Variants in KIF3C observed in about 807,000 individuals in gnomAD.
KIF3C encodes the protein kinesin family member 3C.
In KIF3C, 12 loss-of-function variants were observed where a neutral mutation model predicts 67.7. That is an observed-to-expected ratio of 0.18 (90% CI 0.11 to 0.29). KIF3C has a LOEUF of 0.29. KIF3C is among the 10% of genes least tolerant of loss of function. KIF3C has a pLI of 1.00. For synonymous variants in KIF3C, 393 were observed against 426.2 expected (o/e 0.92, Z 0.96); for missense variants, 789 against 1,059.6 (o/e 0.74, Z 3.55).
chr2:25,942,415 A>AAT (rs1553713885), intron 5 of KIF3C, among the ~76,000 whole-genome samples: 3,656 of 145,952 alleles, frequency 0.025, 65 homozygotes, highest in South Asian at 0.049. Flanking sequence ...GCAAAAAAAA[A>AAT]TTTTTTTTTT....
Position 25,935,376 on chromosome 2 carries a change from T to C in KIF3C, c.2007-5313A>G, listed in dbSNP as rs148323987. Among the ~76,000 whole-genome samples, 413 of 152,250 alleles carry C rather than the reference T, an allele frequency of 2.7e-3. 2 individuals carry two copies. Among genetic ancestry groups the C allele is most frequent in the Non-Finnish European group, 4.6e-3 (314 of 67,992 alleles). On this transcript the variant is annotated intron_variant, in intron 5 of 7. Transcript: ENST00000264712. ...GCAGGGGTATTTGCTGAAGCCTTTT[T>C]TTTTTCTATAGACAGAGTCTTGCTC...
At chr2:25,963,980 C>T (rs1269954000) in intron 1 of KIF3C, among the ~76,000 whole-genome samples, 3 of 152,112 alleles carry the variant, frequency 2.0e-5, no homozygotes, top group Admixed American at 2.0e-4. Context: ...CGTGAGCCAC[C>T]ATCCCTGGCT....
chr2:25,954,143 C>T (rs1180117083), intron 4 of KIF3C, 124 bp downstream of exon 4: 2 of 742,140 alleles, frequency 2.7e-6, no homozygotes, highest in Non-Finnish European at 4.8e-6. Flanking sequence ...AGCCCTCAGA[C>T]GCATTTTATT....
chr2:25,960,506 C>T (rs1445818748), intron 1 of KIF3C, among the ~76,000 whole-genome samples: 1 of 152,146 alleles, frequency 6.6e-6, no homozygotes. Context: ...CATGCTCTCT[C>T]GCCTGTAAGC....
intron 5 of KIF3C, chr2:25,934,057 T>G (rs1338863023): frequency 2.2e-6 from 1 of 460,148 alleles, no homozygotes. Context: ...GAAGTACTGA[T>G]GAGTGTTCCA....
chr2:25,968,575 C>T (rs1342772803), intron 1 of KIF3C, among the ~76,000 whole-genome samples: 1 of 152,150 alleles, frequency 6.6e-6, no homozygotes, highest in East Asian at 1.9e-4. Flanking sequence ...ATCCAGACAA[C>T]AGAATGTTCC....
intron 5 of KIF3C, among the ~76,000 whole-genome samples, chr2:25,935,808 C>T (rs185972526): frequency 8.0e-4 from 121 of 152,034 alleles, no homozygotes; most frequent in Middle Eastern, 3.4e-3. Context: ...CCGGGTGCAG[C>T]GGCTCACGCC....
In KIF3C at chr2:25,952,093, C is replaced by T. The variant is rs1420629379; in HGVS notation, c.1890-188G>A. Among the ~76,000 whole-genome samples the T allele has an allele frequency of 3.3e-5, 5 of 152,204 alleles. 1 individual carries two copies. The highest frequency in any genetic ancestry group is 2.6e-4 in the Admixed American group (4 of 15,288). ...GATCACGAGGTCAGGAGATCAAGACCATCCTGGCTAACACAGTGAAACACC... is the reference window on the plus strand; with the variant it reads ...GATCACGAGGTCAGGAGATCAAGACTATCCTGGCTAACACAGTGAAACACC... On this transcript the variant is annotated intron_variant, in intron 4 of 7. Coordinates refer to ENST00000264712, the MANE Select transcript of KIF3C (RefSeq NM_002254.8).
intron 5 of KIF3C, among the ~76,000 whole-genome samples, chr2:25,931,454 A>G (rs146279977): frequency 5.0e-4 from 76 of 152,186 alleles, no homozygotes; most frequent in African/African-American, 1.8e-3. Flanking sequence ...GCAAAACTCC[A>G]TCTCAAAAAC....
chr2:25,938,321 G>A (rs1338947723), intron 5 of KIF3C: 2 of 433,526 alleles, frequency 4.6e-6, no homozygotes, highest in Admixed American at 2.7e-5. Context: ...TCGTGCCACT[G>A]CATTTCAGCC....
intron 5 of KIF3C, among the ~76,000 whole-genome samples, chr2:25,933,209 C>CCATTGCACT (rs1323124207): frequency 6.6e-6 from 1 of 151,806 alleles, no homozygotes; most frequent in Non-Finnish European, 1.5e-5. Flanking sequence ...CAAGATCACG[C>CCATTGCACT]CATTGCACTC....
At chr2:25,961,058 G>C (rs1663932103) in intron 1 of KIF3C, among the ~76,000 whole-genome samples, 1 of 152,252 alleles carries the variant, frequency 6.6e-6, no homozygotes, top group Non-Finnish European at 1.5e-5. Flanking sequence ...AGCAGAACCT[G>C]CTAAAGGAAA....
chr2:25,940,812 G>A (rs1329088439), intron 5 of KIF3C, among the ~76,000 whole-genome samples: 4 of 151,450 alleles, frequency 2.6e-5, no homozygotes, highest in Non-Finnish European at 4.4e-5. Flanking sequence ...ACTACCACAC[G>A]CGGCTAGTTT....
At chr2:25,960,317 T>C (rs1663913884) in intron 1 of KIF3C, among the ~76,000 whole-genome samples, 1 of 152,126 alleles carries the variant, frequency 6.6e-6, no homozygotes, top group African/African-American at 2.4e-5. Context: ...CCCAGGTAAT[T>C]TGGATGCACA....
At chr2:25,948,301 T>TC (rs1447289263) in intron 5 of KIF3C, among the ~76,000 whole-genome samples, 1 of 152,030 alleles carries the variant, frequency 6.6e-6, no homozygotes. Flanking sequence ...ATGCCTGTGA[T>TC]CCCAACCCTG....
chr2:25,951,716 A>T, intron 5 of KIF3C, 73 bp downstream of exon 5: 2 of 954,336 alleles, frequency 2.1e-6, no homozygotes, highest in Non-Finnish European at 3.4e-6. Flanking sequence ...GCAAGGCCTC[A>T]GGCCCCTCAC....
At chr2:25,957,886 C>T (rs1663847562) in intron 1 of KIF3C, among the ~76,000 whole-genome samples, 1 of 150,794 alleles carries the variant, frequency 6.6e-6, no homozygotes. Flanking sequence ...GCTGTCCATG[C>T]TGCCACACTG....
At position 25,966,612 on chromosome 2, in the gene KIF3C, C is replaced by T. The variant is rs561444345; in HGVS notation, c.1546-10168G>A. On this transcript the variant is annotated intron_variant, in intron 1 of 7. Transcript: ENST00000264712. ...GAGCAAATGGAGTGCAAAACCAGAG[C>T]GGGGAGAAAGGAGGCCCCAGTACTC... is the stretch of plus-strand genomic sequence containing the variant. Among the ~76,000 whole-genome samples the T allele has an allele frequency of 3.3e-5, 5 of 152,186 alleles. No individual in the cohort carries two copies. The South Asian group carries it at 6.2e-4, about 19-fold the overall frequency.
chr2:25,930,184 T>C, intron 5 of KIF3C, 121 bp from the exon 6 acceptor site: 1 of 723,238 alleles, frequency 1.4e-6, no homozygotes. Flanking sequence ...GTTCTGGAAT[T>C]TTCTTCTCCT....
Sources: allele counts gnomAD v4.1 joint callset (sites outside exome capture counted in the v4.1 genomes callset), GRCh38; gene constraint gnomAD v4.1.1; transcripts MANE v1.5; gene names NCBI Gene and HGNC (gene_info 2026-07-23, HGNC 2026-07-21).